The following RUNX1T1 variants were observed in gnomAD, a reference collection of about 807,000 sequenced individuals.
The protein encoded by RUNX1T1 is RUNX1 partner transcriptional co-repressor 1.
In RUNX1T1, 4 loss-of-function variants were observed where a neutral mutation model predicts 62.8. That is an observed-to-expected ratio of 0.06 (90% CI 0.03 to 0.15). The LOEUF (loss-of-function observed/expected upper bound fraction) is 0.15. RUNX1T1 is among the 10% of genes least tolerant of loss of function. RUNX1T1 has a pLI of 1.00. For missense variants in RUNX1T1, 508 were observed against 754.3 expected (o/e 0.67, Z 3.82); for synonymous variants, 291 against 286.0 (o/e 1.02, Z -0.18).
intron 3 of RUNX1T1, among the ~76,000 whole-genome samples, 198 bp from the exon 5 acceptor site, chr8:92,011,289 T>C (rs1487141767): frequency 6.6e-6 from 1 of 152,194 alleles, no homozygotes; most frequent in African/African-American, 2.4e-5. Context: ...TTCTAAAACC[T>C]ACATCTGAAA....
intron 1 of RUNX1T1, chr8:92,081,359 A>G (rs1835231324): frequency 2.5e-6 from 1 of 400,788 alleles, no homozygotes; most frequent in African/African-American, 2.2e-5. Context: ...AAAGGTCACT[A>G]CTCAAAAATA....
At chr8:92,078,455 T>C (rs1276837519) in intron 1 of RUNX1T1, among the ~76,000 whole-genome samples, 1 of 152,114 alleles carries the variant, frequency 6.6e-6, no homozygotes, top group Admixed American at 6.5e-5. Flanking sequence ...GCCCTCAAAT[T>C]TGTAAAACCT....
chr8:92,005,264 G>A, exon 5 of RUNX1T1: 1 of 1,612,802 alleles, frequency 6.2e-7, no homozygotes, highest in Non-Finnish European at 8.5e-7. Context: ...CTTGCGCAGT[G>A]GAGGAGCTCA....
At chr8:91,996,566 A>C (rs961403876) in intron 5 of RUNX1T1, among the ~76,000 whole-genome samples, 12 of 152,078 alleles carry the variant, frequency 7.9e-5, no homozygotes, top group African/African-American at 1.2e-4. Flanking sequence ...TCCTCAACAC[A>C]ATCTAACCAC....
intron 1 of RUNX1T1, among the ~76,000 whole-genome samples, chr8:92,086,854 C>A (rs890032699): frequency 6.6e-6 from 1 of 152,312 alleles, no homozygotes; most frequent in Admixed American, 6.5e-5. Flanking sequence ...ACAAACCCAA[C>A]GCTGGTCATC....
In RUNX1T1 at chr8:92,021,487, G is replaced by A. The variant is rs915555449; in HGVS notation, c.8-4124C>T. On this transcript the variant is annotated intron_variant, in intron 1 of 10. Coordinates refer to ENST00000396218, the Ensembl canonical transcript of RUNX1T1. ...TGCTCAGAACCCTTCTGCAATGCCC[G>A]AGAATGAAAGTCAAACACTAAGATG... 1.4e-4 allele frequency among the ~76,000 whole-genome samples: 22 copies of A among 152,132 alleles called. 1 individual carries two copies. The South Asian group carries it at 1.9e-3, about 13-fold the overall frequency.
chr8:92,074,843 TGAA>T, intron 2 of RUNX1T1, among the ~76,000 whole-genome samples: 1 of 151,952 alleles, frequency 6.6e-6, no homozygotes, highest in East Asian at 1.9e-4. Context: ...CATCACAGTA[TGAA>T]GAAGGAGGAA....
intron 1 of RUNX1T1, among the ~76,000 whole-genome samples, chr8:92,059,591 G>A (rs1187479179): frequency 1.3e-5 from 2 of 152,150 alleles, no homozygotes; most frequent in Non-Finnish European, 2.9e-5. Context: ...AATGGAAAAT[G>A]CAGATATGCT....
intron 1 of RUNX1T1, among the ~76,000 whole-genome samples, chr8:92,025,186 A>G (rs750696105): frequency 3.9e-5 from 6 of 152,288 alleles, no homozygotes; most frequent in Non-Finnish European, 8.8e-5. Flanking sequence ...TCTCTGATAC[A>G]TTCTCCAAAC....
intron 1 of RUNX1T1, among the ~76,000 whole-genome samples, chr8:92,044,780 A>T (rs1371696850): frequency 6.6e-6 from 1 of 152,224 alleles, no homozygotes; most frequent in African/African-American, 2.4e-5. Flanking sequence ...AAGTAAAAGG[A>T]GGGAAGATGA....
chr8:92,060,553 ATGTGTGTGTG>A (rs1271953758), intron 1 of RUNX1T1, among the ~76,000 whole-genome samples: 1 of 63,974 alleles, frequency 1.6e-5, no homozygotes, highest in Non-Finnish European at 3.2e-5. Context: ...ATATATATAT[ATGTGTGTGTG>A]TGTGTGTGTG....
chr8:91,982,518 C>T (rs955643767), intron 8 of RUNX1T1, among the ~76,000 whole-genome samples: 4 of 152,184 alleles, frequency 2.6e-5, no homozygotes, highest in Non-Finnish European at 5.9e-5. Context: ...CAGCAACTGC[C>T]TTTCTATACA....
chr8:92,102,115 C>T (rs1348057994), upstream of RUNX1T1, among the ~76,000 whole-genome samples: 3 of 152,166 alleles, frequency 2.0e-5, no homozygotes, highest in Non-Finnish European at 1.5e-5. The surrounding 1 kb of genome is among the most constrained non-coding windows in gnomAD (Gnocchi z 4.5). Flanking sequence ...GCGGCTGAGT[C>T]CAGAGCGCGC....
chr8:92,091,829 T>G (rs1019817602), intron 1 of RUNX1T1, among the ~76,000 whole-genome samples: 1 of 152,252 alleles, frequency 6.6e-6, no homozygotes, highest in Non-Finnish European at 1.5e-5. Flanking sequence ...TCGCAAATAC[T>G]CACATTCAAC....
chr8:91,991,391 G>A (rs1213613437), intron 6 of RUNX1T1, among the ~76,000 whole-genome samples: 1 of 152,124 alleles, frequency 6.6e-6, no homozygotes, highest in East Asian at 1.9e-4. Context: ...TATTAATCTA[G>A]ATGCCCTCCT....
chr8:91,983,771 A>G (rs1815950348), intron 8 of RUNX1T1, among the ~76,000 whole-genome samples: 1 of 152,230 alleles, frequency 6.6e-6, no homozygotes, highest in Non-Finnish European at 1.5e-5. Flanking sequence ...CTTAGAAAGC[A>G]CTTAATGTAA....
chr8:92,099,720 G>T, upstream of RUNX1T1: 1 of 793,614 alleles, frequency 1.3e-6, no homozygotes, highest in Non-Finnish European at 1.5e-6. Flanking sequence ...TGCATTCAGT[G>T]CCTGTCAGCT....
chr8:92,037,371 T>A (rs979475130), intron 1 of RUNX1T1, among the ~76,000 whole-genome samples: 9 of 152,132 alleles, frequency 5.9e-5, no homozygotes, highest in African/African-American at 1.9e-4. Context: ...AATATTTTTT[T>A]AAAAATACAT....
chr8:92,014,871 C>CA (rs766824082), intron 2 of RUNX1T1, 51 bp from the exon 4 acceptor site: 3 of 1,516,426 alleles, frequency 2.0e-6, no homozygotes, highest in Non-Finnish European at 1.8e-6. Context: ...AGAGAACATG[C>CA]ATGAGGAAAT....
Sources: allele counts gnomAD v4.1 joint callset (sites outside exome capture counted in the v4.1 genomes callset), GRCh38; gene constraint gnomAD v4.1.1; non-coding constraint Gnocchi (gnomAD v3.1); transcripts MANE v1.5; gene names NCBI Gene and HGNC (gene_info 2026-07-23, HGNC 2026-07-21).